The following ERC1 variants were observed in gnomAD, a reference collection of about 807,000 sequenced individuals.
ERC1 encodes the protein ELKS/RAB6-interacting/CAST family member 1, also known as RAB6 interacting protein 2.
A neutral mutation model predicts 132.0 loss-of-function variants in ERC1; 56 were observed. The observed-to-expected ratio is 0.42, with a 90% CI of 0.34 to 0.53. The LOEUF is 0.53. Among genes scored for constraint, ERC1 ranks in the 20% least tolerant of loss-of-function variants. ERC1 has a pLI of 0.03. For synonymous variants in ERC1, 478 were observed against 476.1 expected, an observed-to-expected ratio of 1.00 and a Z score of -0.05; for missense variants, 1,202 against 1,349.9, an observed-to-expected ratio of 0.89 and a Z score of 1.72.
intron 2 of ERC1, among the ~76,000 whole-genome samples, chr12:1,059,023 T>G (rs1973532676): frequency 6.6e-6 from 1 of 152,134 alleles, no homozygotes; most frequent in African/African-American, 2.4e-5. Context: ...TTTATCAGTA[T>G]TTTGTAATTT....
intron 2 of ERC1, among the ~76,000 whole-genome samples, chr12:1,035,718 C>T (rs895989558): frequency 3.3e-5 from 5 of 151,888 alleles, no homozygotes; most frequent in Admixed American, 2.6e-4. Context: ...GTCAGGAGAT[C>T]GAGACCATCC....
intron 1 of ERC1, among the ~76,000 whole-genome samples, chr12:1,013,950 G>A (rs112069663): frequency 2.6e-5 from 4 of 152,012 alleles, no homozygotes; most frequent in African/African-American, 9.6e-5. Context: ...TGCCCAGGCT[G>A]ATCTGAAGTG....
intron 13 of ERC1, among the ~76,000 whole-genome samples, chr12:1,247,745 C>G (rs1318525049): frequency 6.6e-6 from 1 of 152,082 alleles, no homozygotes. Context: ...GCCTGTAATC[C>G]CAGTACTTTG....
intron 2 of ERC1, among the ~76,000 whole-genome samples, chr12:1,030,854 T>G (rs1241467941): frequency 6.6e-6 from 1 of 152,242 alleles, no homozygotes; most frequent in Non-Finnish European, 1.5e-5. Context: ...TAACATGCTG[T>G]ACAGGTTTGT....
chr12:1,041,234 C>T (rs1397915510), intron 2 of ERC1, among the ~76,000 whole-genome samples: 2 of 148,636 alleles, frequency 1.3e-5, no homozygotes, highest in Admixed American at 6.7e-5. Flanking sequence ...TGAGACAGAG[C>T]CTTTGCACTG....
intron 8 of ERC1, among the ~76,000 whole-genome samples, chr12:1,150,230 C>G (rs929366175): frequency 6.6e-5 from 10 of 152,316 alleles, no homozygotes; most frequent in African/African-American, 2.4e-4. Flanking sequence ...AACTATCCAT[C>G]TCATAGTTTA....
intron 12 of ERC1, among the ~76,000 whole-genome samples, chr12:1,198,911 C>T (rs969450002): frequency 6.7e-6 from 1 of 149,506 alleles, no homozygotes; most frequent in African/African-American, 2.6e-5. Flanking sequence ...CACTTCCCAC[C>T]AGGCCCCACC....
intron 15 of ERC1, among the ~76,000 whole-genome samples, chr12:1,341,355 A>G (rs188628957): frequency 2.6e-5 from 4 of 152,090 alleles, no homozygotes; most frequent in African/African-American, 7.2e-5. Flanking sequence ...CTATAAAGAC[A>G]TGCACACATA....
At chr12:1,043,300 C>G (rs1422055819) in intron 2 of ERC1, among the ~76,000 whole-genome samples, 1 of 152,136 alleles carries the variant, frequency 6.6e-6, no homozygotes, top group Non-Finnish European at 1.5e-5. Flanking sequence ...GCCTTGGCCT[C>G]CCAAAGTGCT....
At chr12:1,083,604 T>C (rs770087442) in intron 3 of ERC1, 24 bp downstream of exon 3, 1 of 1,541,232 alleles carries the variant, frequency 6.5e-7, no homozygotes, top group Non-Finnish European at 8.7e-7. Flanking sequence ...TTTTTAGTTT[T>C]ATGATTTGTT....
chr12:1,041,236 T>A (rs1291450828), intron 2 of ERC1, among the ~76,000 whole-genome samples: 1 of 151,588 alleles, frequency 6.6e-6, no homozygotes, highest in African/African-American at 2.4e-5. Context: ...AGACAGAGCC[T>A]TTGCACTGTT....
intron 2 of ERC1, among the ~76,000 whole-genome samples, chr12:1,075,311 A>G (rs1319642461): frequency 6.6e-6 from 1 of 152,194 alleles, no homozygotes; most frequent in Non-Finnish European, 1.5e-5. Context: ...AACATAGTTG[A>G]TTAACACATA....
chr12:1,184,294 G>C (rs931105902), intron 11 of ERC1, among the ~76,000 whole-genome samples: 1 of 151,366 alleles, frequency 6.6e-6, no homozygotes, highest in Non-Finnish European at 1.5e-5. Context: ...TTTTTTTAAA[G>C]ACAGGGCACA....
intron 1 of ERC1, among the ~76,000 whole-genome samples, chr12:1,011,415 A>G (rs1210238245): frequency 2.0e-5 from 3 of 152,140 alleles, no homozygotes; most frequent in Non-Finnish European, 4.4e-5. Context: ...CGTATTGCCC[A>G]GATTGGTCTC....
At chr12:1,423,879 C>T (rs2154400870) in intron 17 of ERC1, among the ~76,000 whole-genome samples, 1 of 152,144 alleles carries the variant, frequency 6.6e-6, no homozygotes, top group South Asian at 2.1e-4. Flanking sequence ...CTTTATCTGT[C>T]TTAAATCAGC....
chr12:1,408,235 C>T lies in ERC1; in HGVS notation c.3012C>T (p.Pro1004=). 1.2e-5 allele frequency: 19 copies of T among 1,613,020 alleles called. No homozygotes were observed. Among genetic ancestry groups the T allele is most frequent in the Non-Finnish European group, 1.6e-5 (19 of 1,179,232 alleles). Residue 1004 remains proline, a synonymous_variant, in exon 17 of 19, where the codon CCC becomes CCT. Transcript: ENST00000360905. ...SSHSNQTNHK[P]SPDQIIQPLL... is the part of the protein sequence containing the mutation. ...ATTCCAATCAAACAAATCACAAGCC[C>T]TCCCCAGACCAGGTAAGATGGCTCT... is the stretch of plus-strand genomic sequence containing the variant.
At chr12:1,076,742 G>A (rs1941413232) in intron 2 of ERC1, among the ~76,000 whole-genome samples, 1 of 152,136 alleles carries the variant, frequency 6.6e-6, no homozygotes, top group African/African-American at 2.4e-5. Context: ...TAACTTCCCA[G>A]ATACTTGCAA....
intron 15 of ERC1, among the ~76,000 whole-genome samples, chr12:1,306,043 C>T (rs2080858410): frequency 6.6e-6 from 1 of 152,112 alleles, no homozygotes; most frequent in African/African-American, 2.4e-5. Context: ...AAAACTTCTG[C>T]CTTTACCCAA....
chr12:1,479,803 C>A (rs1189208213), intron 18 of ERC1, among the ~76,000 whole-genome samples: 1 of 152,072 alleles, frequency 6.6e-6, no homozygotes, highest in Non-Finnish European at 1.5e-5. Flanking sequence ...CCTGGAGAAG[C>A]CAGGTGGGGT....
Sources: allele counts gnomAD v4.1 joint callset (sites outside exome capture counted in the v4.1 genomes callset), GRCh38; gene constraint gnomAD v4.1.1; transcripts MANE v1.5; gene names NCBI Gene and HGNC (gene_info 2026-07-23, HGNC 2026-07-21).